ZMYND15: variants seen among roughly 807,000 people sequenced by gnomAD.
ZMYND15 encodes zinc finger MYND domain-containing protein 15.
A neutral mutation model predicts 81.7 loss-of-function variants in ZMYND15; 54 were observed. The ratio of observed to expected loss-of-function variants is 0.66; its 90% CI spans 0.53 to 0.83. The LOEUF (loss-of-function observed/expected upper bound fraction) is 0.83. Ranked by LOEUF, ZMYND15 falls within the 40% of genes least tolerant of loss-of-function variation. The pLI, the probability that ZMYND15 is intolerant of heterozygous loss-of-function variation, is 0.00. For synonymous variants in ZMYND15, 399 were observed against 387.0 expected (o/e 1.03, Z -0.36); for missense variants, 925 against 973.5 (o/e 0.95, Z 0.66).
Position 4,745,474 on chromosome 17 carries a change from C to G in ZMYND15, c.2057+99C>G. The G allele has an allele frequency of 7.0e-6, 10 of 1,424,388 alleles. No homozygotes were observed. The highest frequency in any genetic ancestry group is 9.5e-6 in the Non-Finnish European group (10 of 1,057,746). The allele number at this position is 1,424,388 out of a possible 1,614,324, so 88.2% of individuals were successfully genotyped here. On this transcript the variant is annotated intron_variant, in intron 13 of 13. Coordinates refer to ENST00000433935, the MANE Select transcript of ZMYND15 (RefSeq NM_001136046.3). This position sits in a 1 kb window ranked among gnomAD's most constrained non-coding sequence, Gnocchi z 5.2. Reference sequence around the variant, plus strand: ...CCACCTCTACCCTAGTCCCTGCTGTCCTGGGGCCCTCCTGCCCCCAGCCCA... The same window carrying G: ...CCACCTCTACCCTAGTCCCTGCTGTGCTGGGGCCCTCCTGCCCCCAGCCCA...
At position 4,745,046 on chromosome 17, in the gene ZMYND15, G is replaced by A. The variant is rs940928395; in HGVS notation, c.1896+118G>A. On this transcript the variant is annotated intron_variant, in intron 12 of 13. Coordinates refer to ENST00000433935, the MANE Select transcript of ZMYND15 (RefSeq NM_001136046.3). The surrounding 1 kb of genome is among the most constrained non-coding windows in gnomAD (Gnocchi z 5.2). ...CACCATCACCTGCTCCACAAACCTG[G>A]GGAGTGCCCACGGGTCCCCCTGCCT... 93 of 1,534,818 alleles carry A rather than the reference G, an allele frequency of 6.1e-5. No individual in the cohort carries two copies. The Middle Eastern group carries it at 1.0e-3, about 16-fold the overall frequency.
intron 1 of ZMYND15, 137 bp downstream of exon 1, chr17:4,740,187 A>G (rs1078801): frequency 0.13 from 83,166 of 638,276 alleles, 5,696 homozygotes; most frequent in Middle Eastern, 0.15. Flanking sequence ...TCCCCACCAA[A>G]CCGTTCCCGA....
In ZMYND15 at chr17:4,745,472, G is replaced by A; in HGVS notation, c.2057+97G>A. ...GCCCACCTCTACCCTAGTCCCTGCT[G>A]TCCTGGGGCCCTCCTGCCCCCAGCC... is the stretch of plus-strand genomic sequence containing the variant. On this transcript the variant is annotated intron_variant, in intron 13 of 13. Coordinates refer to ENST00000433935, the MANE Select transcript of ZMYND15 (RefSeq NM_001136046.3). This position sits in a 1 kb window ranked among gnomAD's most constrained non-coding sequence, Gnocchi z 5.2. The A allele has an allele frequency of 6.9e-7, 1 of 1,442,746 alleles. No individual in the cohort carries two copies. Among genetic ancestry groups the A allele is most frequent in the African/African-American group, 1.4e-5 (1 of 69,952 alleles). 89.4% of individuals were successfully genotyped at this position (1,442,746 alleles called of 1,614,324 possible).
chr17:4,744,032 G>A lies in ZMYND15; in HGVS notation c.1420G>A (p.Asp474Asn). The change falls in exon 8 of 14, where the codon GAC (aspartate) becomes AAC (asparagine). Residue 474 changes from aspartate (D) to asparagine (N), a missense_variant. By Grantham distance (23) the Asp-to-Asn change is conservative. Coordinates refer to ENST00000433935, the MANE Select transcript of ZMYND15 (RefSeq NM_001136046.3). This position sits in a 1 kb window ranked among gnomAD's most constrained non-coding sequence, Gnocchi z 4.1. ...DYYTWRGLSL[D>N]SPIAVLLTYP... ...CTACACATGGCGGGGCCTCAGCTTGGACTCCCCCATAGCCGTGCTTCTCAC... is the reference window on the plus strand; with the variant it reads ...CTACACATGGCGGGGCCTCAGCTTGAACTCCCCCATAGCCGTGCTTCTCAC... 1 of 1,553,546 alleles carries A rather than the reference G, an allele frequency of 6.4e-7. No individual in the cohort carries two copies.
In ZMYND15 at chr17:4,744,176, G is replaced by A. The variant is rs1916561922; in HGVS notation, c.1496-14G>A. 7 of 1,613,896 alleles carry A rather than the reference G, an allele frequency of 4.3e-6. No homozygotes were observed. The Admixed American group carries it at 1.0e-4, about 23-fold the overall frequency. On this transcript the variant is annotated splice_polypyrimidine_tract_variant and intron_variant, in intron 8 of 13. Transcript: ENST00000433935. The surrounding 1 kb of genome is among the most constrained non-coding windows in gnomAD (Gnocchi z 4.1). ...GAGTGGACCACATCCTTAAAGCGCT[G>A]GTTTTTCACCCAGTCCCTGAGCTCA...
chr17:4,742,596 TG>T, intron 5 of ZMYND15, 105 bp downstream of exon 5: 1 of 1,450,628 alleles, frequency 6.9e-7, no homozygotes. Flanking sequence ...GCTGAGTGTC[TG>T]GGGCTAGAGC....
Position 4,743,504 on chromosome 17 carries a change from CT to C in ZMYND15, c.1297+50del, listed in dbSNP as rs1916525965. 3.7e-6 allele frequency: 6 copies of C among 1,604,764 alleles called. No individual in the cohort carries two copies. The highest frequency in any genetic ancestry group is 5.1e-6 in the Non-Finnish European group (6 of 1,176,658). On this transcript the variant is annotated intron_variant, in intron 6 of 13. Transcript: ENST00000433935. The surrounding 1 kb of genome is among the most constrained non-coding windows in gnomAD (Gnocchi z 4.3). ...GGGCCCCTTGGCCTAGAGGGAAGGA[CT>C]GGGAAGAAGTTGTCTGGGTCCCAGA...
chr17:4,740,230 T>C (rs1307595631), intron 1 of ZMYND15, 180 bp downstream of exon 1: 1 of 547,546 alleles, frequency 1.8e-6, no homozygotes, highest in Non-Finnish European at 2.5e-6. Flanking sequence ...CTAGCCTTAA[T>C]TTAAACTCTG....
chr17:4,744,580 C>T lies in ZMYND15; in HGVS notation c.1684-45C>T, dbSNP rs1461233130. On this transcript the variant is annotated intron_variant, in intron 10 of 13. Coordinates refer to ENST00000433935, the MANE Select transcript of ZMYND15 (RefSeq NM_001136046.3). This position sits in a 1 kb window ranked among gnomAD's most constrained non-coding sequence, Gnocchi z 4.1. ...TCTTGCCTGGTGCATCCTCCAGTTC[C>T]CTGACTTCCAGTGGCTTTTCCACCC... The T allele has an allele frequency of 3.1e-6, 5 of 1,603,114 alleles. No individual in the cohort carries two copies. The highest frequency in any genetic ancestry group is 4.3e-6 in the Non-Finnish European group (5 of 1,174,596).
Position 4,740,973 on chromosome 17 carries a change from A to AG in ZMYND15, c.427dup (p.Glu143GlyfsTer56). On this transcript the variant is annotated frameshift_variant, in exon 2 of 14. Coordinates refer to ENST00000433935, the MANE Select transcript of ZMYND15 (RefSeq NM_001136046.3). LOFTEE classifies it high-confidence loss of function. ...GGCAGCACAGAGAAGGTGGAACCAG[A>AG]GGAGGACCGGGAGCTAGCCCCTACC... is the stretch of plus-strand genomic sequence containing the variant. The AG allele has an allele frequency of 6.4e-7, 1 of 1,567,128 alleles. No individual in the cohort carries two copies. Among genetic ancestry groups the AG allele is most frequent in the South Asian group, 1.2e-5 (1 of 85,768 alleles).
At chr17:4,742,591 GTGTC>G in intron 5 of ZMYND15, 100 bp downstream of exon 5, 2 of 1,476,258 alleles carry the variant, frequency 1.4e-6, no homozygotes, top group Non-Finnish European at 9.2e-7. Context: ...TGAAGGCTGA[GTGTC>G]TGGGGCTAGA....
rs200613967 is a variant in ZMYND15 at position 4,744,124 on chromosome 17, G to C, written c.1495+17G>C. 64 of 1,609,150 alleles carry C rather than the reference G, an allele frequency of 4.0e-5. No homozygotes were observed. Among genetic ancestry groups the C allele is most frequent in the East Asian group, 1.8e-4 (8 of 44,672 alleles). ...CCCAGTCCTGTAAGGAGAGCGGAGT[G>C]GGGGGTGGAGCAGGATGGGGGAGTG... is the stretch of plus-strand genomic sequence containing the variant. On this transcript the variant is annotated intron_variant, in intron 8 of 13. Transcript: ENST00000433935. This position sits in a 1 kb window ranked among gnomAD's most constrained non-coding sequence, Gnocchi z 4.1.
rs756339735 is a variant in ZMYND15 at position 4,742,363 on chromosome 17, AG to A, written c.1018del (p.Ala340LeufsTer14). 21 of 1,614,018 alleles carry A rather than the reference AG, an allele frequency of 1.3e-5. No individual in the cohort carries two copies. Among genetic ancestry groups the A allele is most frequent in the South Asian group, 6.6e-5 (6 of 91,088 alleles). ...PQCSAVLYCG[E>X]ACLRADWQRC... ...TGTAGTGCTGTCTTGTATTGTGGAGAGGCTTGTCTCCGGGCTGACTGGCAGC... is the reference window on the plus strand; with the variant it reads ...TGTAGTGCTGTCTTGTATTGTGGAGAGCTTGTCTCCGGGCTGACTGGCAGC... On this transcript the variant is annotated frameshift_variant, in exon 5 of 14. Transcript: ENST00000433935. LOFTEE classifies it high-confidence loss of function.
chr17:4,741,275 TG>T, intron 2 of ZMYND15, 135 bp downstream of exon 2: 3 of 1,048,778 alleles, frequency 2.9e-6, no homozygotes, highest in Non-Finnish European at 3.9e-6. Context: ...TGACCCACAG[TG>T]GGGTTTTTTT....
Position 4,743,143 on chromosome 17 carries a change from G to A in ZMYND15, c.1145-160G>A, listed in dbSNP as rs796367138. On this transcript the variant is annotated intron_variant, in intron 5 of 13. Coordinates refer to ENST00000433935, the MANE Select transcript of ZMYND15 (RefSeq NM_001136046.3). This position sits in a 1 kb window ranked among gnomAD's most constrained non-coding sequence, Gnocchi z 4.3. ...TGGTCACAATTCTCGGGAGACTGAG[G>A]TGGGAGAATCGTTTGAGTCCAAGAG... Among the ~76,000 whole-genome samples, 1 of 152,044 alleles carries A rather than the reference G, an allele frequency of 6.6e-6. No individual in the cohort carries two copies. The highest frequency in any genetic ancestry group is 2.1e-4 in the South Asian group (1 of 4,824).
In ZMYND15 at chr17:4,742,456, G is replaced by A. The variant is rs775107664; in HGVS notation, c.1109G>A (p.Gly370Glu). Reference protein sequence around the residue: ...PRLAAFMERAGELATLPFTYT... With the variant: ...PRLAAFMERAEELATLPFTYT... ...CTTGCAGCCTTCATGGAGCGGGCAG[G>A]AGAACTGGCAACCCTGCCTTTTACC... Residue 370 changes from glycine (G) to glutamate (E), a missense_variant, in exon 5 of 14, where the codon GGA (glycine) becomes GAA (glutamate). Physicochemically the swap from Gly to Glu is moderately conservative, Grantham distance 98 (BLOSUM62 -2). Transcript: ENST00000433935. The A allele has an allele frequency of 7.4e-6, 12 of 1,614,034 alleles. No individual in the cohort carries two copies. The highest frequency in any genetic ancestry group is 3.3e-5 in the Admixed American group (2 of 60,004).
chr17:4,745,855 G>T lies in ZMYND15; in HGVS notation c.2094G>T (p.Lys698Asn), dbSNP rs762329938. 3 of 1,599,334 alleles carry T rather than the reference G, an allele frequency of 1.9e-6. No individual in the cohort carries two copies. The African/African-American group carries it at 4.1e-5, about 22-fold the overall frequency. ...CNAFIFHLVY[K>N]PAQGSGARPA... ...CCTTCATCTTCCACCTGGTTTACAA[G>T]CCTGCTCAAGGGAGCGGGGCCCGCC... The change falls in exon 14 of 14, where the codon AAG becomes AAT. Residue 698 changes from lysine to asparagine, a missense_variant. Physicochemically the swap from Lys to Asn is moderately conservative, Grantham distance 94. Transcript: ENST00000433935. The surrounding 1 kb of genome is among the most constrained non-coding windows in gnomAD (Gnocchi z 5.2).
Position 4,741,629 on chromosome 17 carries a change from C to A in ZMYND15, c.640C>A (p.His214Asn). The A allele has an allele frequency of 6.2e-7, 1 of 1,614,140 alleles. No homozygotes were observed. The highest frequency in any genetic ancestry group is 1.1e-5 in the South Asian group (1 of 91,088). ...VSCLLLVTDE[H>N]GTILGIDLLV... ...CTGTCTCTTACTTGTGACGGATGAGCATGGCACCATCTTGGGCATTGATCT... is the reference window on the plus strand; with the variant it reads ...CTGTCTCTTACTTGTGACGGATGAGAATGGCACCATCTTGGGCATTGATCT... Residue 214 changes from histidine to asparagine, a missense_variant, in exon 3 of 14, where the codon CAT (histidine) becomes AAT (asparagine). By Grantham distance (68) the His-to-Asn change is moderately conservative. Transcript: ENST00000433935.
intron 3 of ZMYND15, 42 bp from the exon 4 acceptor site, chr17:4,741,873 C>G: frequency 6.3e-7 from 1 of 1,596,272 alleles, no homozygotes; most frequent in Non-Finnish European, 8.6e-7. Context: ...TTCCCAAGCA[C>G]CTCCTCCAGC....
Sources: gnomAD v4.1 joint callset for allele counts (sites outside exome capture counted in the v4.1 genomes callset) on GRCh38, gnomAD v4.1.1 for gene constraint, Gnocchi (gnomAD v3.1) non-coding constraint, MANE v1.5 for transcripts, NCBI Gene and HGNC (gene_info 2026-07-23, HGNC 2026-07-21) for gene names.